The following NRXN1 variants were observed in gnomAD, a reference collection of about 807,000 sequenced individuals.
The protein encoded by NRXN1 is neurexin-1.
Under a neutral mutation model 150.9 loss-of-function variants are expected in NRXN1, and 39 were observed. That is an observed-to-expected ratio of 0.26 (90% CI 0.20 to 0.34). The LOEUF (loss-of-function observed/expected upper bound fraction) is 0.34, where lower values mean the gene tolerates loss of function less well. Among genes scored for constraint, NRXN1 ranks in the 10% least tolerant of loss-of-function variants. The pLI is 1.00. For missense variants in NRXN1, 1,815 were observed against 1,949.9 expected (o/e 0.93, Z 1.30); for synonymous variants, 924 against 757.0 (o/e 1.22, Z -3.62).
intron 17 of NRXN1, among the ~76,000 whole-genome samples, chr2:50,415,354 T>C (rs1044945990): frequency 9.9e-5 from 15 of 152,104 alleles, no homozygotes; most frequent in Non-Finnish European, 2.1e-4. Flanking sequence ...TAAGGTGTAT[T>C]TTTTTATGGC....
At chr2:50,949,496 G>C (rs186062854) in intron 2 of NRXN1, among the ~76,000 whole-genome samples, 1 of 152,084 alleles carries the variant, frequency 6.6e-6, no homozygotes, top group East Asian at 1.9e-4. Context: ...AAGGGACAGA[G>C]AAGGCCACAA....
intron 17 of NRXN1, among the ~76,000 whole-genome samples, chr2:50,338,799 C>T (rs939472700): frequency 2.6e-5 from 4 of 151,972 alleles, no homozygotes; most frequent in Admixed American, 2.0e-4. Context: ...CACGGGGCTA[C>T]CACACTTTTC....
chr2:50,975,458 C>T (rs1458766415), intron 2 of NRXN1, among the ~76,000 whole-genome samples: 39 of 152,100 alleles, frequency 2.6e-4, no homozygotes. Flanking sequence ...AAAATGCAAA[C>T]TGGCACCAAA....
chr2:50,315,707 A>G (rs2075546670), intron 17 of NRXN1, among the ~76,000 whole-genome samples: 1 of 152,146 alleles, frequency 6.6e-6, no homozygotes, highest in Non-Finnish European at 1.5e-5. Context: ...TCAGATTCCT[A>G]GGCTAGCCTA....
intron 19 of NRXN1, among the ~76,000 whole-genome samples, chr2:50,076,290 C>T (rs912036692): frequency 1.3e-5 from 2 of 152,016 alleles, no homozygotes; most frequent in Non-Finnish European, 2.9e-5. Context: ...TAAATTTGTT[C>T]CCAGAAAGAA....
At chr2:50,927,785 G>A (rs1687126802) in intron 2 of NRXN1, among the ~76,000 whole-genome samples, 1 of 151,920 alleles carries the variant, frequency 6.6e-6, no homozygotes, top group Non-Finnish European at 1.5e-5. Context: ...AATTGCTACA[G>A]CATTATTTAA....
In NRXN1 at chr2:50,589,773, C is replaced by T. The variant is rs1202195369; in HGVS notation, c.1320+30249G>A. ...ACACACCAAAAGACTGTGTCTTGCCCAAGGTCAGGGAGCTGGGTAGAGACA... is the reference window on the plus strand; with the variant it reads ...ACACACCAAAAGACTGTGTCTTGCCTAAGGTCAGGGAGCTGGGTAGAGACA... On this transcript the variant is annotated intron_variant, in intron 8 of 22. Transcript: ENST00000401669. Among the ~76,000 whole-genome samples, 4 of 150,820 alleles carry T rather than the reference C, an allele frequency of 2.7e-5. No individual in the cohort carries two copies. In the Admixed American group the frequency reaches 2.7e-4, roughly 10 times the overall value.
intron 5 of NRXN1, among the ~76,000 whole-genome samples, chr2:50,770,668 A>T (rs548300206): frequency 1.8e-4 from 28 of 152,198 alleles, no homozygotes; most frequent in African/African-American, 6.5e-4. Context: ...TAAATTCAGC[A>T]TATTCTTTTA....
At chr2:50,699,596 C>T (rs530537365) in intron 5 of NRXN1, among the ~76,000 whole-genome samples, 1 of 152,022 alleles carries the variant, frequency 6.6e-6, no homozygotes, top group Non-Finnish European at 1.5e-5. Context: ...AAAATCCAGG[C>T]CCCCTGCTGA....
intron 2 of NRXN1, among the ~76,000 whole-genome samples, chr2:50,999,856 T>C (rs1243764636): frequency 6.6e-6 from 1 of 152,044 alleles, no homozygotes; most frequent in Non-Finnish European, 1.5e-5. Flanking sequence ...CATCATCACA[T>C]CTGGTCATAC....
intron 18 of NRXN1, among the ~76,000 whole-genome samples, chr2:50,212,952 G>A (rs1338585952): frequency 6.6e-6 from 1 of 151,868 alleles, no homozygotes; most frequent in African/African-American, 2.4e-5. Flanking sequence ...GCTTTAGTAT[G>A]GGAAACACTC....
intron 5 of NRXN1, among the ~76,000 whole-genome samples, chr2:50,628,656 G>T (rs781215378): frequency 1.3e-4 from 20 of 151,644 alleles, no homozygotes; most frequent in Non-Finnish European, 2.4e-4. Context: ...AACACTTAAA[G>T]AATAAGTCTA....
chr2:50,767,365 A>G (rs1443754706), intron 5 of NRXN1, among the ~76,000 whole-genome samples: 1 of 152,074 alleles, frequency 6.6e-6, no homozygotes, highest in Non-Finnish European at 1.5e-5. Context: ...TAAGGTATAA[A>G]TTTGACTACA....
chr2:50,558,996 G>C (rs934322756), intron 8 of NRXN1, among the ~76,000 whole-genome samples: 3 of 152,064 alleles, frequency 2.0e-5, no homozygotes, highest in Non-Finnish European at 4.4e-5. Flanking sequence ...GCAGGAGAAG[G>C]GTGTGAACCT....
intron 17 of NRXN1, among the ~76,000 whole-genome samples, chr2:50,447,778 T>TATATATATATATATATATATAG (rs1367167277): frequency 8.4e-6 from 1 of 118,716 alleles, no homozygotes; most frequent in African/African-American, 3.5e-5. Flanking sequence ...TATATATATA[T>TATATATATATATATATATATAG]ACCTAATTCC....
intron 2 of NRXN1, among the ~76,000 whole-genome samples, chr2:50,963,359 C>T (rs1167426888): frequency 6.6e-6 from 1 of 151,574 alleles, no homozygotes; most frequent in Non-Finnish European, 1.5e-5. Context: ...CCTTCTTTCT[C>T]CCTTTCACTT....
At chr2:50,659,777 G>A (rs748581272) in intron 5 of NRXN1, among the ~76,000 whole-genome samples, 2 of 148,938 alleles carry the variant, frequency 1.3e-5, no homozygotes, top group African/African-American at 4.9e-5. Flanking sequence ...TTTTCAACAG[G>A]ACTTCCCTTT....
intron 5 of NRXN1, among the ~76,000 whole-genome samples, chr2:50,710,699 G>C (rs1320983395): frequency 6.6e-6 from 1 of 151,240 alleles, no homozygotes; most frequent in African/African-American, 2.4e-5. Flanking sequence ...TAGTAAAAAG[G>C]TATATCAATT....
intron 5 of NRXN1, among the ~76,000 whole-genome samples, chr2:50,747,273 G>C (rs1700130891): frequency 1.3e-5 from 2 of 152,084 alleles, no homozygotes; most frequent in Non-Finnish European, 2.9e-5. Flanking sequence ...CTGTTGGTTA[G>C]AGTTTACTTG....
Sources: gnomAD v4.1 joint callset for allele counts (sites outside exome capture counted in the v4.1 genomes callset) on GRCh38, gnomAD v4.1.1 for gene constraint, MANE v1.5 for transcripts, NCBI Gene and HGNC (gene_info 2026-07-23, HGNC 2026-07-21) for gene names.